Variants in STS observed in about 807,000 individuals in gnomAD.
STS encodes steroid sulfatase.
In STS, 7 loss-of-function variants were observed where a neutral mutation model predicts 26.8. The observed-to-expected ratio is 0.26, with a 90% CI of 0.15 to 0.49. The LOEUF is 0.49. STS is among the 20% of genes least tolerant of loss of function. The probability of loss-of-function intolerance (pLI) is 0.98; values close to 1 mark genes in which losing one functional copy is unlikely to be tolerated. For synonymous variants in STS, 199 were observed against 189.4 expected (o/e 1.05, Z -0.42); for missense variants, 434 against 465.6 (o/e 0.93, Z 0.63).
intron 1 of STS, among the ~76,000 whole-genome samples, chrX:7,166,210 G>T (rs1001351465): frequency 1.8e-5 from 2 of 110,706 alleles, no homozygotes; most frequent in Non-Finnish European, 1.9e-5. Flanking sequence ...GTCTCATCAC[G>T]TTGCCCAGGC....
chrX:7,192,291 C>T (rs968796913), intron 2 of STS, among the ~76,000 whole-genome samples: 9 of 111,760 alleles, frequency 8.1e-5, no homozygotes, highest in African/African-American at 1.9e-4. Flanking sequence ...ATGCTGGGCC[C>T]GGTGGCTCAG....
At chrX:7,328,843 G>A (rs191694530) in intron 9 of STS, among the ~76,000 whole-genome samples, 4 of 111,046 alleles carry the variant, frequency 3.6e-5, no homozygotes, top group Admixed American at 9.6e-5. Context: ...ATACAGGTGC[G>A]CACCATCACG....
chrX:7,215,661 G>T (rs1012943512), intron 2 of STS, among the ~76,000 whole-genome samples: 10 of 111,226 alleles, frequency 9.0e-5, no homozygotes, highest in African/African-American at 3.3e-4. Context: ...GGTTGTTTCT[G>T]GCCAAGGAAA....
intron 8 of STS, among the ~76,000 whole-genome samples, chrX:7,321,464 GATAA>G (rs748380449): frequency 2.5e-4 from 28 of 111,802 alleles, no homozygotes; most frequent in African/African-American, 8.1e-4. Context: ...TACATACATA[GATAA>G]ATAATGTAAC....
At chrX:7,240,487 A>C (rs958603876) in intron 2 of STS, among the ~76,000 whole-genome samples, 1 of 54,348 alleles carries the variant, frequency 1.8e-5, no homozygotes, top group African/African-American at 6.7e-5. Context: ...ACACACACAG[A>C]TATGTATGTG....
At chrX:7,324,602 C>G (rs1055134010) in intron 8 of STS, among the ~76,000 whole-genome samples, 1 of 111,240 alleles carries the variant, frequency 9.0e-6, no homozygotes, top group Non-Finnish European at 1.9e-5. Context: ...TACAAACAGT[C>G]TGTTTTGTCA....
Position 7,334,188 on chromosome X carries a change from G to T in STS, c.1363+81G>T, listed in dbSNP as rs1432391845. ...AATAGATAAAACTAAAGGGTAAAAA[G>T]GTGGCTCTGCTCAATGGAGGCCAAC... On this transcript the variant is annotated intron_variant, in intron 10 of 10. Transcript: ENST00000674429. 45 of 1,186,509 alleles carry T rather than the reference G, an allele frequency of 3.8e-5. No individual in the cohort carries two copies. The Admixed American group carries it at 9.9e-4, about 26-fold the overall frequency.
At chrX:7,318,410 A>G (rs1926816785) in intron 8 of STS, among the ~76,000 whole-genome samples, 1 of 111,363 alleles carries the variant, frequency 9.0e-6, no homozygotes, top group South Asian at 3.9e-4. Context: ...GCTCATCAAC[A>G]CATGCCTGCA....
intron 2 of STS, among the ~76,000 whole-genome samples, chrX:7,210,002 C>G (rs1920988337): frequency 1.8e-5 from 2 of 111,593 alleles, no homozygotes; most frequent in African/African-American, 6.5e-5. Context: ...ATATGTACCA[C>G]TTTTCTTTAT....
intron 9 of STS, among the ~76,000 whole-genome samples, chrX:7,328,248 A>G (rs1202882624): frequency 8.9e-5 from 10 of 111,770 alleles, no homozygotes; most frequent in African/African-American, 3.3e-4. Flanking sequence ...TCACTTTCAT[A>G]ATATCTTGGA....
At chrX:7,267,510 G>A (rs933359825) in intron 6 of STS, among the ~76,000 whole-genome samples, 1 of 112,311 alleles carries the variant, frequency 8.9e-6, no homozygotes, top group Non-Finnish European at 1.9e-5. Context: ...AATAGAAAGA[G>A]ATGGATGTTG....
chrX:7,186,521 T>C (rs755201087), intron 1 of STS, among the ~76,000 whole-genome samples: 8 of 111,575 alleles, frequency 7.2e-5, no homozygotes, highest in Non-Finnish European at 1.5e-4. Flanking sequence ...CTGAGTCCTC[T>C]GGTGAGGGGT....
At chrX:7,272,445 C>A (rs770014948) in intron 6 of STS, among the ~76,000 whole-genome samples, 2 of 111,018 alleles carry the variant, frequency 1.8e-5, no homozygotes, top group Non-Finnish European at 3.8e-5. Context: ...GTTACATAAG[C>A]CACATTCCTT....
chrX:7,254,130 A>G (rs1321203341), intron 3 of STS, among the ~76,000 whole-genome samples: 1 of 111,988 alleles, frequency 8.9e-6, no homozygotes, highest in Non-Finnish European at 1.9e-5. Context: ...GAGCATTTCA[A>G]CATCTGAATC....
At chrX:7,279,315 G>A (rs1417423861) in intron 7 of STS, among the ~76,000 whole-genome samples, 28 of 38,894 alleles carry the variant, frequency 7.2e-4, no homozygotes, top group Middle Eastern at 0.013. Flanking sequence ...ATATATATGT[G>A]TGTGTGTGTG....
intron 10 of STS, among the ~76,000 whole-genome samples, chrX:7,343,131 C>T (rs1273727298): frequency 2.7e-5 from 3 of 111,135 alleles, no homozygotes; most frequent in Non-Finnish European, 5.7e-5. Context: ...AGACTGAAAA[C>T]CCAAAATATC....
At chrX:7,346,218 C>A (rs1928517544) in intron 10 of STS, among the ~76,000 whole-genome samples, 1 of 111,833 alleles carries the variant, frequency 8.9e-6, no homozygotes. Flanking sequence ...AATAAACTTT[C>A]TTCTCTCATG....
intron 3 of STS, 114 bp downstream of exon 3, chrX:7,253,450 C>T: frequency 9.8e-7 from 1 of 1,016,729 alleles, no homozygotes; most frequent in Non-Finnish European, 1.4e-6. Flanking sequence ...CAAAACCCTC[C>T]AAACCATGCC....
intron 2 of STS, among the ~76,000 whole-genome samples, chrX:7,230,563 G>A (rs1922013306): frequency 8.9e-6 from 1 of 112,189 alleles, no homozygotes; most frequent in Non-Finnish European, 1.9e-5. Flanking sequence ...AATTTATAAA[G>A]GAAAGAGGTT....
Sources: allele counts gnomAD v4.1 joint callset (sites outside exome capture counted in the v4.1 genomes callset), GRCh38; gene constraint gnomAD v4.1.1; transcripts MANE v1.5; gene names NCBI Gene and HGNC (gene_info 2026-07-23, HGNC 2026-07-21).